The following DSCAM variants were observed in gnomAD, a reference collection of about 807,000 sequenced individuals.
The protein encoded by DSCAM is cell adhesion molecule DSCAM.
In DSCAM, 47 loss-of-function variants were observed where a neutral mutation model predicts 217.7. That is an observed-to-expected ratio of 0.22 (90% confidence interval 0.17 to 0.28). The LOEUF (loss-of-function observed/expected upper bound fraction) is 0.28. Among genes scored for constraint, DSCAM ranks in the 10% least tolerant of loss-of-function variants. The pLI, the probability that DSCAM is intolerant of heterozygous loss-of-function variation, is 1.00. For synonymous variants in DSCAM, 1,056 were observed against 1,015.3 expected, an observed-to-expected ratio of 1.04 and a Z score of -0.76; for missense variants, 2,080 against 2,618.3, an observed-to-expected ratio of 0.79 and a Z score of 4.49.
chr21:40,640,879 G>A (rs1347036061), intron 3 of DSCAM, among the ~76,000 whole-genome samples: 2 of 152,078 alleles, frequency 1.3e-5, no homozygotes, highest in Non-Finnish European at 2.9e-5. Context: ...AGGGGACAAT[G>A]AGATGTCAGA....
In DSCAM at chr21:40,092,894, T is replaced by C. The variant is rs191764752; in HGVS notation, c.3850+827A>G. On this transcript the variant is annotated intron_variant, in intron 21 of 32. Transcript: ENST00000400454. ...CTCTTTTTTCCCCTCACTGCTTTAT[T>C]CTGCCTATTTCTTAACTATCTCATT... Among the ~76,000 whole-genome samples, 9 of 152,350 alleles carry C rather than the reference T, an allele frequency of 5.9e-5. 1 individual carries two copies. In the East Asian group the frequency reaches 1.3e-3, roughly 23 times the overall value.
At chr21:40,113,904 A>C (rs1305029970) in intron 20 of DSCAM, among the ~76,000 whole-genome samples, 4 of 151,940 alleles carry the variant, frequency 2.6e-5, no homozygotes. Flanking sequence ...TGCTCAACGA[A>C]ATAAAAGAGG....
intron 3 of DSCAM, among the ~76,000 whole-genome samples, chr21:40,390,694 C>T (rs1166578455): frequency 1.3e-5 from 2 of 151,824 alleles, no homozygotes; most frequent in African/African-American, 2.4e-5. Context: ...CAGCGTAATT[C>T]CAATCTCCAC....
rs565535248 is a variant in DSCAM, at chr21:40,522,758, A to G, written c.509-153513T>C. Among the ~76,000 whole-genome samples the G allele has an allele frequency of 3.9e-5, 6 of 152,322 alleles. No individual in the cohort carries two copies. In the South Asian group the frequency reaches 1.2e-3, roughly 32 times the overall value. ...TTCGTCAAGAGTTTTCGAGATTCAGATGCCAAATCTTCCTGTTTCCATTCG... is the reference window on the plus strand; with the variant it reads ...TTCGTCAAGAGTTTTCGAGATTCAGGTGCCAAATCTTCCTGTTTCCATTCG... On this transcript the variant is annotated intron_variant, in intron 3 of 32. Transcript: ENST00000400454.
chr21:40,230,736 C>T (rs2091373739), intron 11 of DSCAM, among the ~76,000 whole-genome samples: 1 of 152,066 alleles, frequency 6.6e-6, no homozygotes, highest in Non-Finnish European at 1.5e-5. Flanking sequence ...TGTGTTAATT[C>T]CCAGATATTA....
chr21:40,250,696 C>G (rs2073291726), intron 11 of DSCAM, among the ~76,000 whole-genome samples: 1 of 152,220 alleles, frequency 6.6e-6, no homozygotes, highest in Non-Finnish European at 1.5e-5. Context: ...GTGAGGGCTG[C>G]TGTGCTGCAC....
intron 3 of DSCAM, among the ~76,000 whole-genome samples, chr21:40,538,125 G>T (rs1387348411): frequency 6.6e-6 from 1 of 152,164 alleles, no homozygotes; most frequent in African/African-American, 2.4e-5. Flanking sequence ...GTAAAGGTCT[G>T]CTTGACAGCC....
rs570947575 is a variant in DSCAM, at chr21:40,379,089, T to C, written c.509-9844A>G. Among the ~76,000 whole-genome samples the C allele has an allele frequency of 7.6e-4, 116 of 152,294 alleles. 1 individual carries two copies. The highest frequency in any genetic ancestry group is 1.5e-4 in the Non-Finnish European group (10 of 68,040). ...ATGTTATGTACCAAAGGCAGTGGTA[T>C]ATGAATAAATTTGTGTATGCAAATG... On this transcript the variant is annotated intron_variant, in intron 3 of 32. Transcript: ENST00000400454.
At chr21:40,792,392 G>A (rs1024131070) in intron 1 of DSCAM, among the ~76,000 whole-genome samples, 9 of 151,886 alleles carry the variant, frequency 5.9e-5, no homozygotes, top group Non-Finnish European at 1.2e-4. Flanking sequence ...CACCTGCCTC[G>A]GAATTACAGG....
rs79196003 is a variant in DSCAM, at chr21:40,642,588, T to A, written c.508+50222A>T. On this transcript the variant is annotated intron_variant, in intron 3 of 32. Transcript: ENST00000400454. ...TCCTGTAATTCTATTTTCATTTTTTTAAAAATGATTTTGAGACAAGGTCTT... is the reference window on the plus strand; with the variant it reads ...TCCTGTAATTCTATTTTCATTTTTTAAAAAATGATTTTGAGACAAGGTCTT... Among the ~76,000 whole-genome samples the A allele has an allele frequency of 9.9e-3, 1,507 of 152,194 alleles. 24 individuals carry two copies. Among genetic ancestry groups the A allele is most frequent in the African/African-American group, 0.033 (1,385 of 41,488 alleles).
Position 40,133,841 on chromosome 21 carries a change from A to G in DSCAM, c.3562+13T>C. On this transcript the variant is annotated intron_variant, in intron 19 of 32. Coordinates refer to ENST00000400454, the MANE Select transcript of DSCAM (RefSeq NM_001389.5). ...CAGCAACTGCTGGGACCCACCGCCCACCCGTCTCTCACCATCCTCTTTGGT... is the reference window on the plus strand; with the variant it reads ...CAGCAACTGCTGGGACCCACCGCCCGCCCGTCTCTCACCATCCTCTTTGGT... 1 of 1,591,144 alleles carries G rather than the reference A, an allele frequency of 6.3e-7. No homozygotes were observed. The highest frequency in any genetic ancestry group is 8.6e-7 in the Non-Finnish European group (1 of 1,168,328).
At chr21:40,377,442 G>T (rs796359472) in intron 3 of DSCAM, among the ~76,000 whole-genome samples, 5 of 152,060 alleles carry the variant, frequency 3.3e-5, no homozygotes, top group Non-Finnish European at 5.9e-5. Flanking sequence ...TAACCTAAAG[G>T]TTCAACAGAG....
intron 11 of DSCAM, among the ~76,000 whole-genome samples, chr21:40,248,729 T>G (rs1485042172): frequency 2.0e-5 from 3 of 152,200 alleles, no homozygotes; most frequent in African/African-American, 4.8e-5. Context: ...TTCCATATTT[T>G]CAGGTATCTT....
At chr21:40,323,460 C>G (rs1452908929) in intron 8 of DSCAM, among the ~76,000 whole-genome samples, 1 of 152,134 alleles carries the variant, frequency 6.6e-6, no homozygotes, top group South Asian at 2.1e-4. Flanking sequence ...AAATATACCC[C>G]TCTATACATG....
intron 3 of DSCAM, among the ~76,000 whole-genome samples, chr21:40,641,397 G>T (rs546934087): frequency 6.6e-6 from 1 of 152,134 alleles, no homozygotes; most frequent in Non-Finnish European, 1.5e-5. Flanking sequence ...TAAGTATTCA[G>T]GATGCTTTCT....
intron 15 of DSCAM, among the ~76,000 whole-genome samples, chr21:40,174,128 A>G (rs2090692220): frequency 1.3e-5 from 2 of 151,996 alleles, no homozygotes; most frequent in South Asian, 4.1e-4. Flanking sequence ...ATTAACTCCG[A>G]CTGTGTCACT....
intron 1 of DSCAM, among the ~76,000 whole-genome samples, chr21:40,784,853 G>A (rs903981721): frequency 3.9e-5 from 6 of 152,328 alleles, no homozygotes; most frequent in East Asian, 3.9e-4. Context: ...ACTGTGGGGG[G>A]AGAATGTTGG....
intron 16 of DSCAM, among the ~76,000 whole-genome samples, chr21:40,149,182 C>T (rs536639716): frequency 1.3e-5 from 2 of 152,104 alleles, no homozygotes; most frequent in South Asian, 2.1e-4. Context: ...ACTATTCCAA[C>T]ACCAACATTG....
At chr21:40,827,481 A>AAAG (rs1035151779) in intron 1 of DSCAM, among the ~76,000 whole-genome samples, 1 of 134,332 alleles carries the variant, frequency 7.4e-6, no homozygotes, top group Non-Finnish European at 1.6e-5. Context: ...AAAAAAAAAA[A>AAAG]AAAAAGAAAA....
Sources: gnomAD v4.1 joint callset for allele counts (sites outside exome capture counted in the v4.1 genomes callset) on GRCh38, gnomAD v4.1.1 for gene constraint, MANE v1.5 for transcripts, NCBI Gene and HGNC (gene_info 2026-07-23, HGNC 2026-07-21) for gene names.